Variants in PLXNA4 observed in about 807,000 individuals in gnomAD.
The protein encoded by PLXNA4 is plexin-A4.
A neutral mutation model predicts 191.8 loss-of-function variants in PLXNA4; 44 were observed. The ratio of observed to expected loss-of-function variants is 0.23; its 90% confidence interval spans 0.18 to 0.29. The LOEUF is 0.29. Among genes scored for constraint, PLXNA4 ranks in the 10% least tolerant of loss-of-function variants. The probability of loss-of-function intolerance (pLI) is 1.00; values close to 1 mark genes in which losing one functional copy is unlikely to be tolerated. For synonymous variants in PLXNA4, 1,082 were observed against 1,009.5 expected (o/e 1.07, Z -1.36); for missense variants, 1,800 against 2,488.8 (o/e 0.72, Z 5.89).
chr7:132,291,946 C>A (rs1191394396), intron 4 of PLXNA4, among the ~76,000 whole-genome samples: 1 of 152,158 alleles, frequency 6.6e-6, no homozygotes, highest in Non-Finnish European at 1.5e-5. Context: ...AGGTGCATGC[C>A]ACCAGGCTCA....
chr7:132,630,746 T>C (rs1469301142), intron 2 of PLXNA4, among the ~76,000 whole-genome samples: 1 of 152,096 alleles, frequency 6.6e-6, no homozygotes, highest in African/African-American at 2.4e-5. Flanking sequence ...CTCCTGACCT[T>C]GTGATCCGCC....
chr7:132,524,611 T>C (rs1421033169), intron 1 of PLXNA4, among the ~76,000 whole-genome samples: 1 of 152,204 alleles, frequency 6.6e-6, no homozygotes, highest in African/African-American at 2.4e-5. Context: ...AGTCTCACTC[T>C]GTCACCCAGG....
chr7:132,565,900 G>C (rs1255666401), intron 1 of PLXNA4, among the ~76,000 whole-genome samples: 2 of 152,180 alleles, frequency 1.3e-5, no homozygotes, highest in East Asian at 3.9e-4. Flanking sequence ...AAAGTCAAGA[G>C]CGACAGAGCT....
In PLXNA4 at chr7:132,411,691, A is replaced by G. The variant is rs568300218; in HGVS notation, c.1371+77601T>C. Among the ~76,000 whole-genome samples, 4 of 152,326 alleles carry G rather than the reference A, an allele frequency of 2.6e-5. No individual in the cohort carries two copies. The East Asian group carries it at 7.7e-4, about 29-fold the overall frequency. On this transcript the variant is annotated intron_variant, in intron 3 of 31. Transcript: ENST00000321063. ...ATTGAGGAACAAAGGACATGAAGAA[A>G]TGAGTGTCAGTCCGTGTGAGGGAGA...
intron 4 of PLXNA4, among the ~76,000 whole-genome samples, chr7:132,257,864 G>C (rs918729904): frequency 6.6e-6 from 1 of 152,224 alleles, no homozygotes; most frequent in Non-Finnish European, 1.5e-5. Context: ...TCTGTAGATG[G>C]AGGAATTGGA....
chr7:132,385,973 A>G (rs909276609), intron 3 of PLXNA4, among the ~76,000 whole-genome samples: 2 of 152,372 alleles, frequency 1.3e-5, no homozygotes, highest in South Asian at 4.1e-4. Context: ...ATCATTCAAC[A>G]CATGGTTATT....
At position 132,527,718 on chromosome 7, in the gene PLXNA4, C is replaced by T. The variant is rs1799460019; in HGVS notation, c.-86-18939G>A. Reference sequence around the variant, plus strand: ...GCTGAATTGACACCCGACTGCATTACAGTCATATTTGTATTTGCCCAGACC... The same window carrying T: ...GCTGAATTGACACCCGACTGCATTATAGTCATATTTGTATTTGCCCAGACC... On this transcript the variant is annotated intron_variant, in intron 1 of 31. Coordinates refer to ENST00000321063, the MANE Select transcript of PLXNA4 (RefSeq NM_020911.2). 3.9e-5 allele frequency among the ~76,000 whole-genome samples: 6 copies of T among 152,248 alleles called. No individual in the cohort carries two copies. The South Asian group carries it at 1.2e-3, about 32-fold the overall frequency.
At chr7:132,407,128 T>G (rs1485125513) in intron 3 of PLXNA4, among the ~76,000 whole-genome samples, 1 of 152,188 alleles carries the variant, frequency 6.6e-6, no homozygotes. Flanking sequence ...GACGCTCTCA[T>G]TTATTCTGGT....
chr7:132,166,120 C>A (rs1307334771), intron 22 of PLXNA4, among the ~76,000 whole-genome samples: 4 of 151,948 alleles, frequency 2.6e-5, no homozygotes, highest in Non-Finnish European at 2.9e-5. Context: ...TCGCTTGAAC[C>A]CAGGAGGTGG....
At chr7:132,221,925 C>T (rs1052623886) in intron 9 of PLXNA4, among the ~76,000 whole-genome samples, 1 of 152,174 alleles carries the variant, frequency 6.6e-6, no homozygotes, top group Non-Finnish European at 1.5e-5. Flanking sequence ...CTCTCTCCAG[C>T]TTTCCAGACT....
At chr7:132,212,038 A>G (rs959708008) in intron 9 of PLXNA4, among the ~76,000 whole-genome samples, 1 of 152,094 alleles carries the variant, frequency 6.6e-6, no homozygotes, top group East Asian at 1.9e-4. Flanking sequence ...TTGCTGATGG[A>G]TGTGGGCAGG....
intron 15 of PLXNA4, 60 bp from the exon 16 acceptor site, chr7:132,185,523 G>A (rs373464246): frequency 6.4e-7 from 1 of 1,553,138 alleles, no homozygotes; most frequent in East Asian, 2.3e-5. Flanking sequence ...GAGGTCCTGA[G>A]TCAAGGCCCT....
intron 31 of PLXNA4, 125 bp downstream of exon 31, chr7:132,132,924 G>C (rs1795010345): frequency 7.1e-7 from 1 of 1,402,154 alleles, no homozygotes; most frequent in African/African-American, 1.4e-5. Flanking sequence ...CAGGTCCTCA[G>C]TGGTGGTTCC....
intron 10 of PLXNA4, among the ~76,000 whole-genome samples, chr7:132,205,516 T>A (rs55897680): frequency 0.011 from 1,688 of 150,238 alleles, 29 homozygotes; most frequent in African/African-American, 0.039. Flanking sequence ...TGTGTGTGTG[T>A]GAGAGAGAGA....
At chr7:132,615,605 A>G (rs1328384245) in intron 2 of PLXNA4, among the ~76,000 whole-genome samples, 1 of 152,020 alleles carries the variant, frequency 6.6e-6, no homozygotes, top group Non-Finnish European at 1.5e-5. Context: ...CCTGCTCCTT[A>G]TACCTTATTC....
chr7:132,517,639 A>G (rs1321417251), intron 1 of PLXNA4, among the ~76,000 whole-genome samples: 2 of 152,182 alleles, frequency 1.3e-5, no homozygotes, highest in African/African-American at 4.8e-5. Flanking sequence ...CCCTAGGAAG[A>G]GTTCTCTTTA....
chr7:132,228,213 C>A lies in PLXNA4; in HGVS notation c.1728+133G>T, dbSNP rs1798397001. ...CACTTAATTCTTTGATATCCTGCAC[C>A]CTTCTCTTGAGCTGCTTCTGCTGGC... is the stretch of plus-strand genomic sequence containing the variant. On this transcript the variant is annotated intron_variant, in intron 6 of 31. Transcript: ENST00000321063. 4.2e-6 allele frequency: 5 copies of A among 1,180,484 alleles called. No individual in the cohort carries two copies. The South Asian group carries it at 7.5e-5, about 18-fold the overall frequency. 73.1% of individuals were successfully genotyped at this position (1,180,484 alleles called of 1,614,324 possible).
intron 1 of PLXNA4, among the ~76,000 whole-genome samples, chr7:132,554,218 A>G (rs1213474013): frequency 6.6e-6 from 1 of 152,210 alleles, no homozygotes; most frequent in Non-Finnish European, 1.5e-5. Flanking sequence ...TGGTCACTGT[A>G]GAAGGGCTGA....
rs150069125 is a variant in PLXNA4 at position 132,132,432 on chromosome 7, G to A, written c.5589+617C>T. Among the ~76,000 whole-genome samples, 642 of 80,398 alleles carry A rather than the reference G, an allele frequency of 8.0e-3. 13 individuals carry two copies. Among genetic ancestry groups the A allele is most frequent in the Middle Eastern group, 0.03 (5 of 164 alleles). The allele number at this position is 80,398 out of a possible 152,430, so 52.7% of individuals were successfully genotyped here. ...GTTCTGTTCTGTTCTGTTCTGTTCTGTTCTGTTCTGTTCTGTTCTGTTCTG... is the reference window on the plus strand; with the variant it reads ...GTTCTGTTCTGTTCTGTTCTGTTCTATTCTGTTCTGTTCTGTTCTGTTCTG... On this transcript the variant is annotated intron_variant, in intron 31 of 31. Transcript: ENST00000321063.
Sources: gnomAD v4.1 joint callset for allele counts (sites outside exome capture counted in the v4.1 genomes callset) on GRCh38, gnomAD v4.1.1 for gene constraint, MANE v1.5 for transcripts, NCBI Gene and HGNC (gene_info 2026-07-23, HGNC 2026-07-21) for gene names.